ODAD2: variants seen among roughly 807,000 people sequenced by gnomAD.
ODAD2 encodes the protein outer dynein arm-docking complex subunit 2.
In ODAD2, 89 loss-of-function variants were observed where a neutral mutation model predicts 106.8. That is an observed-to-expected ratio of 0.83 (90% CI 0.70 to 0.99). The LOEUF (loss-of-function observed/expected upper bound fraction) is 0.99. Among genes scored for constraint, ODAD2 ranks in the 50% least tolerant of loss-of-function variants. The pLI is 0.00. For synonymous variants in ODAD2, 404 were observed against 436.2 expected (o/e 0.93, Z 0.92); for missense variants, 1,168 against 1,238.5 (o/e 0.94, Z 0.85).
At chr10:27,995,892 C>T (rs1850531325) in intron 1 of ODAD2, among the ~76,000 whole-genome samples, 1 of 152,146 alleles carries the variant, frequency 6.6e-6, no homozygotes, top group African/African-American at 2.4e-5. Context: ...AATTCACAAC[C>T]TTCTTAAGAG....
intron 9 of ODAD2, among the ~76,000 whole-genome samples, chr10:27,964,994 G>A (rs916671421): frequency 3.3e-5 from 5 of 152,210 alleles, no homozygotes; most frequent in Non-Finnish European, 5.9e-5. Context: ...TCCAGGAAGT[G>A]GCAGTAGCAG....
intron 4 of ODAD2, 91 bp downstream of exon 4, chr10:27,984,928 G>T: frequency 1.7e-6 from 1 of 591,266 alleles, no homozygotes; most frequent in Non-Finnish European, 2.7e-6. Flanking sequence ...TATCTATTTT[G>T]AGACAGAGTC....
At chr10:27,960,316 T>C (rs549665229) in intron 10 of ODAD2, among the ~76,000 whole-genome samples, 2 of 1,260 alleles carry the variant, frequency 1.6e-3, no homozygotes, top group African/African-American at 3.8e-3. Flanking sequence ...TTTATTTCAT[T>C]ATTATTATTA....
At chr10:27,980,492 A>G (rs1849476953) in intron 7 of ODAD2, among the ~76,000 whole-genome samples, 1 of 152,160 alleles carries the variant, frequency 6.6e-6, no homozygotes, top group Non-Finnish European at 1.5e-5. Flanking sequence ...AAAAGATTCA[A>G]TTTAAAATAT....
At chr10:27,821,234 T>G (rs962293003) in intron 19 of ODAD2, among the ~76,000 whole-genome samples, 5 of 152,180 alleles carry the variant, frequency 3.3e-5, no homozygotes, top group Admixed American at 6.5e-5. Context: ...ATTTGAGAAG[T>G]ACCCCCAAGA....
chr10:27,884,046 T>C (rs776257665), intron 17 of ODAD2, among the ~76,000 whole-genome samples: 18 of 151,932 alleles, frequency 1.2e-4, no homozygotes, highest in Admixed American at 3.9e-4. Context: ...TTCTCCAAAT[T>C]TGATGAGAAA....
At chr10:27,975,481 A>G (rs927163279) in intron 7 of ODAD2, among the ~76,000 whole-genome samples, 5 of 152,284 alleles carry the variant, frequency 3.3e-5, no homozygotes, top group Admixed American at 1.3e-4. Flanking sequence ...TAAAAGGTCA[A>G]TAAGAGAATA....
intron 7 of ODAD2, among the ~76,000 whole-genome samples, chr10:27,977,187 T>A (rs1253939621): frequency 6.6e-6 from 1 of 152,078 alleles, no homozygotes; most frequent in Non-Finnish European, 1.5e-5. Context: ...AAAAGCGTTA[T>A]AAAACACTAT....
intron 19 of ODAD2, among the ~76,000 whole-genome samples, chr10:27,825,568 C>T (rs1836975054): frequency 6.6e-6 from 1 of 152,210 alleles, no homozygotes; most frequent in South Asian, 2.1e-4. Context: ...GCTTTGTACA[C>T]AATGACCTTA....
intron 13 of ODAD2, 45 bp from the exon 14 acceptor site, chr10:27,940,052 T>A (rs1195109570): frequency 1.1e-5 from 14 of 1,303,970 alleles, no homozygotes; most frequent in Non-Finnish European, 1.5e-5. Flanking sequence ...GACGTGAATA[T>A]AAGTAACTGT....
intron 19 of ODAD2, among the ~76,000 whole-genome samples, chr10:27,839,523 C>G (rs920671092): frequency 1.4e-4 from 22 of 152,230 alleles, no homozygotes; most frequent in African/African-American, 5.3e-4. Flanking sequence ...CAAATTGAGG[C>G]CTACCGTATA....
At chr10:27,970,064 C>A (rs1168725208) in intron 8 of ODAD2, among the ~76,000 whole-genome samples, 1 of 151,568 alleles carries the variant, frequency 6.6e-6, no homozygotes, top group African/African-American at 2.4e-5. Flanking sequence ...CAAGTTTGTG[C>A]CACTGCAGCC....
At chr10:27,986,988 T>C (rs939341935) in intron 3 of ODAD2, among the ~76,000 whole-genome samples, 2 of 152,246 alleles carry the variant, frequency 1.3e-5, no homozygotes, top group Non-Finnish European at 2.9e-5. Context: ...TCATTCAATC[T>C]ATTCCTTGGC....
At chr10:27,903,785 C>T (rs1171410202) in intron 17 of ODAD2, among the ~76,000 whole-genome samples, 6 of 152,094 alleles carry the variant, frequency 3.9e-5, no homozygotes, top group Non-Finnish European at 8.8e-5. Context: ...GCTGAGGCCC[C>T]ACCAATACAT....
chr10:27,874,138 G>C (rs1191696842), intron 17 of ODAD2, among the ~76,000 whole-genome samples: 2 of 152,060 alleles, frequency 1.3e-5, no homozygotes, highest in Non-Finnish European at 2.9e-5. Context: ...TTTGATCTTT[G>C]TTGGTTTAAA....
At chr10:27,999,596 G>T (rs544260753), upstream of ODAD2, among the ~76,000 whole-genome samples, 8 of 151,774 alleles carry the variant, frequency 5.3e-5, no homozygotes, top group Admixed American at 5.2e-4. Context: ...AGATGGTTTT[G>T]ACCCCACCTC....
chr10:27,894,243 A>G (rs376332620), intron 17 of ODAD2, among the ~76,000 whole-genome samples: 38 of 152,324 alleles, frequency 2.5e-4, no homozygotes, highest in East Asian at 9.6e-4. Context: ...CAAAATATTC[A>G]TTGAAAATGC....
intron 19 of ODAD2, among the ~76,000 whole-genome samples, chr10:27,815,644 T>C (rs1367968598): frequency 6.6e-6 from 1 of 152,210 alleles, no homozygotes; most frequent in Admixed American, 6.5e-5. Context: ...TTTCCTCGTA[T>C]CCATTCATTC....
intron 17 of ODAD2, among the ~76,000 whole-genome samples, chr10:27,874,779 C>T (rs1184564288): frequency 9.9e-5 from 15 of 152,164 alleles, no homozygotes; most frequent in African/African-American, 3.1e-4. Flanking sequence ...TCTCTGGCTG[C>T]CCTTAACATT....
Sources: allele counts gnomAD v4.1 joint callset (sites outside exome capture counted in the v4.1 genomes callset), GRCh38; gene constraint gnomAD v4.1.1; transcripts MANE v1.5; gene names NCBI Gene and HGNC (gene_info 2026-07-23, HGNC 2026-07-21).